SUPT20H: variants seen among roughly 807,000 people sequenced by gnomAD.
SUPT20H encodes the protein SPT20 homolog, SAGA complex component, also known as transcription factor SPT20 homolog.
Under a neutral mutation model 122.8 loss-of-function variants are expected in SUPT20H, and 82 were observed. That is an observed-to-expected ratio of 0.67 (90% CI 0.56 to 0.80). The LOEUF (loss-of-function observed/expected upper bound fraction) is 0.80, where lower values mean the gene tolerates loss of function less well. Ranked by LOEUF, SUPT20H falls within the 30% of genes least tolerant of loss-of-function variation. The pLI, the probability that SUPT20H is intolerant of heterozygous loss-of-function variation, is 0.00. For synonymous variants in SUPT20H, 291 were observed against 313.0 expected, an observed-to-expected ratio of 0.93 and a Z score of 0.74; for missense variants, 831 against 921.6, an observed-to-expected ratio of 0.90 and a Z score of 1.27.
At position 37,040,602 on chromosome 13, in the gene SUPT20H, G is replaced by T; in HGVS notation, c.487C>A (p.His163Asn). 6.2e-7 allele frequency: 1 copy of T among 1,614,096 alleles called. No homozygotes were observed. Among genetic ancestry groups the T allele is most frequent in the Non-Finnish European group, 8.5e-7 (1 of 1,179,998 alleles). ...TGCATTGTTGGACGTAAGAGAATGT[G>T]CCGACTTTGGTAACCAGGAGATTTC... ...NMKSPGYQSR[H>N]ILLRPTMQTL... is the part of the protein sequence containing the mutation. The change falls in exon 8 of 26, where the codon CAC becomes AAC. Residue 163 changes from histidine (H) to asparagine (N), a missense_variant. His to Asn is a moderately conservative substitution (Grantham distance 68). Transcript: ENST00000350612.
chr13:37,020,024 G>A (rs1056596305), intron 21 of SUPT20H, among the ~76,000 whole-genome samples: 5 of 152,118 alleles, frequency 3.3e-5, no homozygotes, highest in Non-Finnish European at 5.9e-5. Context: ...TGGGCTTTGT[G>A]AGCACAAATG....
chr13:37,024,617 C>T (rs970203684), intron 17 of SUPT20H, 175 bp from the exon 18 acceptor site: 51 of 394,226 alleles, frequency 1.3e-4, no homozygotes, highest in Non-Finnish European at 1.6e-4. Context: ...ATATGTATTA[C>T]AGAGAAAATT....
intron 9 of SUPT20H, chr13:37,038,568 G>A (rs941717203): frequency 1.3e-5 from 2 of 152,176 alleles, no homozygotes; most frequent in African/African-American, 4.8e-5. Flanking sequence ...CTGAAGCTTA[G>A]TTTATAATCA....
At position 37,022,817 on chromosome 13, in the gene SUPT20H, C is replaced by G. The variant is rs910191114; in HGVS notation, c.1592-737G>C. ...TAATTCCTAACACATCAAGTTTATCCTGACAAACAAATTTACAAAAAACAG... is the reference window on the plus strand; with the variant it reads ...TAATTCCTAACACATCAAGTTTATCGTGACAAACAAATTTACAAAAAACAG... On this transcript the variant is annotated intron_variant, in intron 19 of 25. Transcript: ENST00000350612. The surrounding 1 kb of genome is among the most constrained non-coding windows in gnomAD (Gnocchi z 4.5). 22 of 1,062,994 alleles carry G rather than the reference C, an allele frequency of 2.1e-5. No individual in the cohort carries two copies. In the African/African-American group the frequency reaches 3.6e-4, roughly 18 times the overall value. 65.8% of individuals were successfully genotyped at this position (1,062,994 alleles called of 1,614,324 possible).
Position 37,009,450 on chromosome 13 carries a change from G to A in SUPT20H, c.*222C>T. ...CACTTCCATATATATTATGTATAGT[G>A]AAACCATTTTTAAAAAGCAATGACT... On this transcript the variant is annotated 3_prime_UTR_variant, in exon 26 of 26. Transcript: ENST00000350612. The A allele has an allele frequency of 1.4e-6, 1 of 738,976 alleles. No homozygotes were observed. The highest frequency in any genetic ancestry group is 1.9e-5 in the South Asian group (1 of 52,326). 45.8% of individuals were successfully genotyped at this position (738,976 alleles called of 1,614,324 possible). A position where few individuals can be genotyped will look rare whatever the true frequency, so the allele number is the denominator to read the frequency against.
chr13:37,029,955 C>A, intron 12 of SUPT20H, 119 bp from the exon 13 acceptor site: 1 of 678,952 alleles, frequency 1.5e-6, no homozygotes, highest in South Asian at 2.6e-5. Context: ...TACTTGTTAG[C>A]GCAAGAATTC....
Position 37,044,114 on chromosome 13 carries a change from T to C in SUPT20H, c.360A>G (p.Leu120=). ...CTAGGAGATCAACCAAAATAGGAGG[T>C]AATTCTTCTGCATCCAAATATTCAA... The part of the protein sequence containing the change: ...ELLEYLDAEE[L]PPILVDLLEK... Residue 120 remains leucine, a synonymous_variant, in exon 7 of 26, where the codon TTA becomes TTG. Transcript: ENST00000350612. 6.2e-7 allele frequency: 1 copy of C among 1,612,454 alleles called. No homozygotes were observed. The highest frequency in any genetic ancestry group is 8.5e-7 in the Non-Finnish European group (1 of 1,179,320).
At chr13:37,040,350 AT>A (rs1315825959) in intron 9 of SUPT20H, 54 bp downstream of exon 9, 78 of 1,429,840 alleles carry the variant, frequency 5.5e-5, no homozygotes, top group South Asian at 1.2e-4. Context: ...CTTAATGATA[AT>A]TTTTTTTCAT....
rs1017331002 is a variant in SUPT20H at position 37,047,461 on chromosome 13, C to G, written c.165+74G>C. On this transcript the variant is annotated intron_variant, in intron 5 of 25. Transcript: ENST00000350612. ...TTCACTCACACACACAAAAATAATA[C>G]TCCAAATGTAACTCCTCCAAATTCC... 9.6e-6 allele frequency: 13 copies of G among 1,349,384 alleles called. No homozygotes were observed. The African/African-American group carries it at 1.7e-4, about 18-fold the overall frequency. 83.6% of individuals were successfully genotyped at this position (1,349,384 alleles called of 1,614,324 possible).
In SUPT20H at chr13:37,012,253, A is replaced by G. The variant is rs939039317; in HGVS notation, c.2037T>C (p.Ala679=). 1 of 1,613,476 alleles carries G rather than the reference A, an allele frequency of 6.2e-7. No homozygotes were observed. The highest frequency in any genetic ancestry group is 8.5e-7 in the Non-Finnish European group (1 of 1,179,596). ...TAAGGTTAATAACAGCAGCTTGCTGAGCAGATAAGGCCTGTTCTTGACTGG... is the reference window on the plus strand; with the variant it reads ...TAAGGTTAATAACAGCAGCTTGCTGGGCAGATAAGGCCTGTTCTTGACTGG... ...GSTSQEQALS[A]QQAAVINLTG... The change falls in exon 24 of 26, where the codon GCT becomes GCC. Residue 679 remains alanine (A), a synonymous_variant. Transcript: ENST00000350612.
At chr13:37,053,691 TA>T (rs113112502) in intron 1 of SUPT20H, among the ~76,000 whole-genome samples, 11,155 of 140,126 alleles carry the variant, frequency 0.08, 1,348 homozygotes, top group African/African-American at 0.26. Flanking sequence ...AAACTAAAAT[TA>T]AAAAAAAAAA....
rs747779312 is a variant in SUPT20H, at chr13:37,009,736, C to CGAT, written c.2273_2275dup (p.His758dup). 1.2e-6 allele frequency: 2 copies of CGAT among 1,613,894 alleles called. No homozygotes were observed. The highest frequency in any genetic ancestry group is 1.7e-6 in the Non-Finnish European group (2 of 1,179,954). On this transcript the variant is annotated inframe_insertion, in exon 26 of 26. Coordinates refer to ENST00000350612, the MANE Select transcript of SUPT20H (RefSeq NM_001014286.3). ...ACTTTTTGACTGGCTGCCTGTATGC[C>CGAT]GATGATGATGTAGCTGAGCTGTTTG...
intron 14 of SUPT20H, 136 bp downstream of exon 14, chr13:37,028,012 C>G (rs2062618615): frequency 1.3e-6 from 1 of 760,862 alleles, no homozygotes; most frequent in South Asian, 3.3e-5. Context: ...ACCGCCAAAT[C>G]TAATTGTTAT....
At chr13:37,048,413 T>C (rs1156837866) in intron 3 of SUPT20H, 151 bp downstream of exon 3, 4 of 506,340 alleles carry the variant, frequency 7.9e-6, no homozygotes, top group Non-Finnish European at 1.3e-5. Flanking sequence ...TATCACCTGG[T>C]ATTTTTATAT....
intron 15 of SUPT20H, 75 bp downstream of exon 15, chr13:37,026,714 AT>A: frequency 1.2e-6 from 1 of 867,208 alleles, no homozygotes; most frequent in Non-Finnish European, 1.7e-6. Context: ...AATAAAGTAT[AT>A]TTAGCAAGTC....
At chr13:37,039,555 G>C (rs958554545) in intron 9 of SUPT20H, 6 of 152,118 alleles carry the variant, frequency 3.9e-5, no homozygotes, top group African/African-American at 1.4e-4. Flanking sequence ...AAAAATGCCT[G>C]GGAAAGCTTC....
At chr13:37,052,365 C>G (rs1184946025) in intron 1 of SUPT20H, among the ~76,000 whole-genome samples, 2 of 152,072 alleles carry the variant, frequency 1.3e-5, no homozygotes, top group African/African-American at 4.8e-5. Context: ...TCAGAAATAA[C>G]ACCACACATC....
chr13:37,028,677 T>A (rs2062755478), intron 13 of SUPT20H, among the ~76,000 whole-genome samples: 1 of 152,018 alleles, frequency 6.6e-6, no homozygotes, highest in South Asian at 2.1e-4. Context: ...CTCCACCATA[T>A]TTTCATGGTT....
At position 37,050,540 on chromosome 13, in the gene SUPT20H, C is replaced by CA. The variant is rs1440384843; in HGVS notation, c.3+947dup. Among the ~76,000 whole-genome samples, 9 of 151,828 alleles carry CA rather than the reference C, an allele frequency of 5.9e-5. No individual in the cohort carries two copies. The East Asian group carries it at 1.4e-3, about 23-fold the overall frequency. Reference sequence around the variant, plus strand: ...TTTTGCCCATAAAATTTGTTTGTATCAAAAAATTATAATAAACAAAATCAA... The same window carrying CA: ...TTTTGCCCATAAAATTTGTTTGTATCAAAAAAATTATAATAAACAAAATCAA... On this transcript the variant is annotated intron_variant, in intron 2 of 25. Coordinates refer to ENST00000350612, the MANE Select transcript of SUPT20H (RefSeq NM_001014286.3).
Sources: allele counts gnomAD v4.1 joint callset (sites outside exome capture counted in the v4.1 genomes callset), GRCh38; gene constraint gnomAD v4.1.1; non-coding constraint Gnocchi (gnomAD v3.1); transcripts MANE v1.5; gene names NCBI Gene and HGNC (gene_info 2026-07-23, HGNC 2026-07-21).